RBFOX1: variants seen among roughly 807,000 people sequenced by gnomAD.
RBFOX1 encodes the protein RNA binding protein fox-1 homolog 1.
A neutral mutation model predicts 57.7 loss-of-function variants in RBFOX1; 8 were observed. That is an observed-to-expected ratio of 0.14 (90% confidence interval 0.08 to 0.25). The LOEUF (loss-of-function observed/expected upper bound fraction) is 0.25, where lower values mean the gene tolerates loss of function less well. RBFOX1 is among the 10% of genes least tolerant of loss of function. RBFOX1 has a pLI of 1.00. For missense variants in RBFOX1, 611 were observed against 548.5 expected (o/e 1.11, Z -1.14); for synonymous variants, 326 against 222.4 (o/e 1.47, Z -4.15).
At chr16:5,419,622 G>C (rs958477222) in intron 1 of RBFOX1, among the ~76,000 whole-genome samples, 1 of 151,898 alleles carries the variant, frequency 6.6e-6, no homozygotes, top group Non-Finnish European at 1.5e-5. Context: ...CAGTCTCTGA[G>C]ATCCCATGTC....
intron 3 of RBFOX1, among the ~76,000 whole-genome samples, chr16:5,816,867 A>T (rs912144408): frequency 2.0e-4 from 30 of 152,104 alleles, no homozygotes; most frequent in Admixed American, 9.8e-4. Flanking sequence ...TTTTATTTTT[A>T]ATTTTTGTGT....
intron 9 of RBFOX1, among the ~76,000 whole-genome samples, chr16:7,605,007 A>G (rs921455679): frequency 1.3e-5 from 2 of 152,190 alleles, no homozygotes; most frequent in African/African-American, 4.8e-5. Flanking sequence ...ATATGACCCC[A>G]TATAGAGTTT....
intron 4 of RBFOX1, among the ~76,000 whole-genome samples, chr16:7,138,865 A>G (rs536318946): frequency 2.1e-4 from 32 of 152,220 alleles, no homozygotes; most frequent in Middle Eastern, 6.8e-3. Flanking sequence ...CTGGAGTGCA[A>G]TGGTGTGATT....
At chr16:5,699,452 G>T (rs2050958292) in intron 3 of RBFOX1, among the ~76,000 whole-genome samples, 1 of 150,628 alleles carries the variant, frequency 6.6e-6, no homozygotes, top group South Asian at 2.1e-4. Context: ...GGAGACAGTA[G>T]ATTGTTCTAT....
At chr16:5,460,199 G>A (rs1399890383) in intron 1 of RBFOX1, among the ~76,000 whole-genome samples, 1 of 152,304 alleles carries the variant, frequency 6.6e-6, no homozygotes, top group South Asian at 2.1e-4. Flanking sequence ...GACAAGAGGG[G>A]TCTTGGAACC....
At chr16:7,263,163 T>A (rs1040514720) in intron 4 of RBFOX1, among the ~76,000 whole-genome samples, 1 of 152,222 alleles carries the variant, frequency 6.6e-6, no homozygotes, top group African/African-American at 2.4e-5. Flanking sequence ...TTATGTGTAT[T>A]TCTTCTCTGT....
At chr16:5,762,211 C>T (rs928053121) in intron 3 of RBFOX1, among the ~76,000 whole-genome samples, 2 of 152,120 alleles carry the variant, frequency 1.3e-5, no homozygotes, top group African/African-American at 2.4e-5. Context: ...ATAGTTGAAG[C>T]TGTGAATAAG....
intron 3 of RBFOX1, among the ~76,000 whole-genome samples, chr16:5,776,441 A>G (rs892576567): frequency 6.6e-6 from 1 of 152,192 alleles, no homozygotes; most frequent in Non-Finnish European, 1.5e-5. Context: ...TTGACCTGAG[A>G]CAGAATCTCA....
chr16:6,774,621 G>C (rs1031182975), intron 3 of RBFOX1, among the ~76,000 whole-genome samples: 1 of 152,022 alleles, frequency 6.6e-6, no homozygotes, highest in Non-Finnish European at 1.5e-5. Context: ...TCATCTATAG[G>C]AATTAATTGT....
intron 2 of RBFOX1, among the ~76,000 whole-genome samples, chr16:5,575,226 T>G (rs2046413145): frequency 6.6e-6 from 1 of 152,202 alleles, no homozygotes; most frequent in Admixed American, 6.5e-5. Flanking sequence ...ATTTTAACTC[T>G]GAGAAATCAG....
intron 4 of RBFOX1, among the ~76,000 whole-genome samples, chr16:7,287,460 T>C (rs1209959319): frequency 6.6e-6 from 1 of 152,024 alleles, no homozygotes; most frequent in Non-Finnish European, 1.5e-5. Flanking sequence ...GGACAGCGAG[T>C]AGGTGCAAGC....
chr16:7,252,591 G>A (rs545961585), intron 4 of RBFOX1, among the ~76,000 whole-genome samples: 64 of 152,174 alleles, frequency 4.2e-4, no homozygotes, highest in Non-Finnish European at 7.4e-5. Context: ...GTTGAGCTTT[G>A]GTAGTTGTTA....
chr16:7,041,811 C>G lies in RBFOX1; in HGVS notation c.-15-10246C>G, dbSNP rs527541233. ...CCTCCTGTGTCATTAATTTGAATAC[C>G]AATTGCTGGTATTTGCTGAATTTTT... On this transcript the variant is annotated intron_variant, in intron 3 of 15. Coordinates refer to ENST00000550418, the MANE Select transcript of RBFOX1 (RefSeq NM_018723.4). Among the ~76,000 whole-genome samples the G allele has an allele frequency of 2.0e-5, 3 of 152,204 alleles. No individual in the cohort carries two copies. In the South Asian group the frequency reaches 6.2e-4, roughly 32 times the overall value.
In RBFOX1 at chr16:7,647,483, G is replaced by A. The variant is rs375845475; in HGVS notation, c.758-6332G>A. On this transcript the variant is annotated intron_variant, in intron 11 of 15. Coordinates refer to ENST00000550418, the MANE Select transcript of RBFOX1 (RefSeq NM_018723.4). Reference sequence around the variant, plus strand: ...ATACTATATCCACAAATCAACCTGCGTCCTTTCCATTGTTCCTTATTGATG... The same window carrying A: ...ATACTATATCCACAAATCAACCTGCATCCTTTCCATTGTTCCTTATTGATG... Among the ~76,000 whole-genome samples the A allele has an allele frequency of 1.4e-4, 21 of 151,502 alleles. 1 individual carries two copies. The East Asian group carries it at 2.7e-3, about 20-fold the overall frequency.
At chr16:6,516,248 C>T (rs577267163) in intron 2 of RBFOX1, among the ~76,000 whole-genome samples, 11 of 152,132 alleles carry the variant, frequency 7.2e-5, no homozygotes, top group Non-Finnish European at 1.5e-4. Flanking sequence ...AGGCTAGTCT[C>T]GAACTCCTGA....
At chr16:6,778,304 A>G (rs112155030) in intron 3 of RBFOX1, among the ~76,000 whole-genome samples, 5 of 152,280 alleles carry the variant, frequency 3.3e-5, no homozygotes, top group Admixed American at 1.3e-4. Context: ...AAAGTAGAGA[A>G]TAGTAACATG....
chr16:5,249,685 C>T (rs2062397222), intron 1 of RBFOX1, among the ~76,000 whole-genome samples: 2 of 152,174 alleles, frequency 1.3e-5, no homozygotes, highest in South Asian at 2.1e-4. Flanking sequence ...TCAAGCAATG[C>T]AGACCAGGTG....
chr16:7,709,557 C>G (rs1275334626), intron 15 of RBFOX1: 1 of 1,531,854 alleles, frequency 6.5e-7, no homozygotes, highest in Non-Finnish European at 8.7e-7. Flanking sequence ...CAGGCCTCTG[C>G]TGTCAGGCAG....
intron 1 of RBFOX1, among the ~76,000 whole-genome samples, chr16:5,296,619 A>T: frequency 6.7e-6 from 1 of 149,818 alleles, no homozygotes; most frequent in Non-Finnish European, 1.5e-5. Flanking sequence ...CCTTTCTGAC[A>T]TTTTGTATTC....
Sources: gnomAD v4.1 joint callset for allele counts (sites outside exome capture counted in the v4.1 genomes callset) on GRCh38, gnomAD v4.1.1 for gene constraint, MANE v1.5 for transcripts, NCBI Gene and HGNC (gene_info 2026-07-23, HGNC 2026-07-21) for gene names.